Variants in EP300 observed in about 807,000 individuals in gnomAD.
EP300 encodes the protein histone acetyltransferase p300.
A neutral mutation model predicts 264.0 loss-of-function variants in EP300; 31 were observed. The ratio of observed to expected loss-of-function variants is 0.12; its 90% CI spans 0.09 to 0.16. The LOEUF is 0.16. Among genes scored for constraint, EP300 ranks in the 10% least tolerant of loss-of-function variants. The probability of loss-of-function intolerance (pLI) is 1.00; values close to 1 mark genes in which losing one functional copy is unlikely to be tolerated. For synonymous variants in EP300, 1,340 were observed against 1,045.4 expected (o/e 1.28, Z -5.44); for missense variants, 2,766 against 3,052.9 (o/e 0.91, Z 2.21).
chr22:41,111,908 GAC>G (rs1167604307), intron 1 of EP300, among the ~76,000 whole-genome samples: 1 of 70,124 alleles, frequency 1.4e-5, no homozygotes, highest in Non-Finnish European at 2.5e-5. Context: ...TTTTTTTTGA[GAC>G]AGAGTCTCAC....
chr22:41,110,796 G>C (rs1212725576), intron 1 of EP300, among the ~76,000 whole-genome samples: 1 of 151,940 alleles, frequency 6.6e-6, no homozygotes, highest in Non-Finnish European at 1.5e-5. Context: ...CAAACTTCTA[G>C]AAGTTTGATT....
intron 1 of EP300, among the ~76,000 whole-genome samples, chr22:41,097,047 T>G (rs149739122): frequency 7.6e-4 from 116 of 152,368 alleles, no homozygotes; most frequent in African/African-American, 2.8e-3. Flanking sequence ...TATTTTGGCT[T>G]GAATGTTTAC....
At chr22:41,169,058 G>T (rs776699488) in intron 25 of EP300, 191 bp downstream of exon 25, 4 of 737,486 alleles carry the variant, frequency 5.4e-6, no homozygotes, top group Non-Finnish European at 9.3e-6. Flanking sequence ...GCTCAATACT[G>T]CTCTTCTGTG....
At chr22:41,174,677 T>G (rs1445445488) in intron 29 of EP300, 1 of 152,088 alleles carries the variant, frequency 6.6e-6, no homozygotes, top group African/African-American at 2.4e-5. Flanking sequence ...GGTAGTAATC[T>G]CGATTGTTCA....
chr22:41,153,623 A>G (rs996812085), intron 16 of EP300, among the ~76,000 whole-genome samples: 1 of 152,000 alleles, frequency 6.6e-6, no homozygotes, highest in African/African-American at 2.4e-5. Flanking sequence ...GGTGGCTCTC[A>G]CCCGTAGTCC....
intron 1 of EP300, among the ~76,000 whole-genome samples, chr22:41,112,655 T>C (rs2058799376): frequency 6.6e-6 from 1 of 152,144 alleles, no homozygotes; most frequent in African/African-American, 2.4e-5. Context: ...TCTGTGTCCA[T>C]GAAGAAGATT....
intron 22 of EP300, 43 bp downstream of exon 22, chr22:41,164,173 C>T (rs758565421): frequency 4.4e-5 from 68 of 1,559,308 alleles, no homozygotes; most frequent in Non-Finnish European, 5.7e-5. Flanking sequence ...TTTTCTTTAT[C>T]GTGAATATTA....
chr22:41,157,690 T>C (rs1479662505), intron 18 of EP300, among the ~76,000 whole-genome samples: 1 of 151,912 alleles, frequency 6.6e-6, no homozygotes, highest in Non-Finnish European at 1.5e-5. Context: ...GCTGATTTTT[T>C]AAATTTGTTT....
At chr22:41,096,655 G>C (rs1007161535) in intron 1 of EP300, among the ~76,000 whole-genome samples, 18 of 125,326 alleles carry the variant, frequency 1.4e-4, no homozygotes, top group Admixed American at 6.1e-4. Flanking sequence ...GTTTGCTCTC[G>C]TTGCCCAGGC....
At chr22:41,107,302 A>G (rs1039526726) in intron 1 of EP300, among the ~76,000 whole-genome samples, 9 of 152,160 alleles carry the variant, frequency 5.9e-5, no homozygotes, top group Non-Finnish European at 5.9e-5. Context: ...GATTTTAAAT[A>G]ATTAATAAAG....
chr22:41,169,206 T>G (rs2059156470), intron 25 of EP300: 4 of 544,564 alleles, frequency 7.3e-6, no homozygotes, highest in Non-Finnish European at 1.3e-5. Flanking sequence ...GGGAATTTCT[T>G]TTCTCCAAAA....
rs2059014542 is a variant in EP300 at position 41,146,969 on chromosome 22, G to A, written c.2131+153G>A. ...GGGGTGAAGAGCAGGTTGGCTGGCA[G>A]ATCACAGGGCAGGTGACATTAAATG... On this transcript the variant is annotated intron_variant, in intron 11 of 30. Transcript: ENST00000263253. Among the ~76,000 whole-genome samples the A allele has an allele frequency of 2.0e-5, 3 of 152,140 alleles. 1 individual carries two copies. The South Asian group carries it at 6.2e-4, about 32-fold the overall frequency.
chr22:41,117,086 G>T, intron 1 of EP300, 101 bp from the exon 2 acceptor site: 1 of 1,020,228 alleles, frequency 9.8e-7, no homozygotes. Context: ...CATGGAGTGA[G>T]GTTGGGAAAT....
chr22:41,166,180 A>G (rs1325818324), intron 22 of EP300, among the ~76,000 whole-genome samples: 1 of 152,224 alleles, frequency 6.6e-6, no homozygotes, highest in African/African-American at 2.4e-5. Flanking sequence ...TTGATGAACA[A>G]GTTTATACAA....
chr22:41,150,038 C>T lies in EP300; in HGVS notation c.2657C>T (p.Pro886Leu), dbSNP rs1436028814. The T allele has an allele frequency of 3.0e-5, 49 of 1,613,932 alleles. No individual in the cohort carries two copies. The highest frequency in any genetic ancestry group is 4.0e-5 in the Non-Finnish European group (47 of 1,180,054). ...CTACATCCCCCTCCAAGGCAGACAC[C>T]TACACCACCAACAACACAACTTCCC... ...QALHPPPRQT[P>L]TPPTTQLPQQ... Residue 886 changes from proline (P) to leucine (L), a missense_variant, in exon 14 of 31, where the codon CCT becomes CTT. By Grantham distance (98) the Pro-to-Leu change is moderately conservative. Coordinates refer to ENST00000263253, the MANE Select transcript of EP300 (RefSeq NM_001429.4).
intron 1 of EP300, among the ~76,000 whole-genome samples, chr22:41,111,369 T>C (rs1193420701): frequency 6.6e-6 from 1 of 152,250 alleles, no homozygotes; most frequent in East Asian, 1.9e-4. Flanking sequence ...CCAGTCATCT[T>C]GCTAACCTCT....
At chr22:41,140,774 G>A (rs2058977482) in intron 9 of EP300, among the ~76,000 whole-genome samples, 1 of 152,158 alleles carries the variant, frequency 6.6e-6, no homozygotes, top group South Asian at 2.1e-4. Flanking sequence ...GACAGAGGGA[G>A]ACCTTGTCTC....
chr22:41,158,974 C>G (rs2059093229), intron 19 of EP300: 1 of 167,740 alleles, frequency 6.0e-6, no homozygotes, highest in Admixed American at 5.7e-5. Flanking sequence ...TCATATTAAG[C>G]AAATTAAAAG....
At chr22:41,166,077 G>A (rs192137644) in intron 22 of EP300, among the ~76,000 whole-genome samples, 72 of 152,214 alleles carry the variant, frequency 4.7e-4, no homozygotes, top group African/African-American at 1.4e-3. Context: ...GAGCCACCAC[G>A]CCTGGCTGGT....
Sources: allele counts gnomAD v4.1 joint callset (sites outside exome capture counted in the v4.1 genomes callset), GRCh38; gene constraint gnomAD v4.1.1; transcripts MANE v1.5; gene names NCBI Gene and HGNC (gene_info 2026-07-23, HGNC 2026-07-21).